The following NCAM1 variants were observed in gnomAD, a reference collection of about 807,000 sequenced individuals.
The protein encoded by NCAM1 is neural cell adhesion molecule 1.
NCAM1 carries 14 observed loss-of-function variants against 109.8 expected under a neutral mutation model. That is an observed-to-expected ratio of 0.13 (90% confidence interval 0.08 to 0.20). The LOEUF is 0.20. Among genes scored for constraint, NCAM1 ranks in the 10% least tolerant of loss-of-function variants. The pLI is 1.00. For missense variants in NCAM1, 774 were observed against 1,109.9 expected (o/e 0.70, Z 4.30); for synonymous variants, 418 against 442.9 (o/e 0.94, Z 0.70).
At chr11:113,147,597 A>T (rs1358404780) in intron 1 of NCAM1, among the ~76,000 whole-genome samples, 1 of 152,194 alleles carries the variant, frequency 6.6e-6, no homozygotes, top group African/African-American at 2.4e-5. Context: ...GCAGATTGCA[A>T]TTACAGTCTT....
intron 8 of NCAM1, among the ~76,000 whole-genome samples, chr11:113,221,016 G>T (rs555890163): frequency 2.6e-4 from 39 of 152,264 alleles, no homozygotes; most frequent in African/African-American, 9.4e-4. Context: ...GAGCAGTCTG[G>T]TCCTACTGGT....
intron 1 of NCAM1, among the ~76,000 whole-genome samples, chr11:113,036,363 C>A (rs1435728622): frequency 2.6e-5 from 4 of 152,180 alleles, no homozygotes; most frequent in Middle Eastern, 3.4e-3. Flanking sequence ...CCACCCTGAA[C>A]CATCAGCTTT....
chr11:113,201,808 C>T (rs997181100), intron 1 of NCAM1, among the ~76,000 whole-genome samples: 2 of 152,176 alleles, frequency 1.3e-5, no homozygotes, highest in African/African-American at 2.4e-5. Flanking sequence ...GTCCTGTAGT[C>T]GTGAGGGAAG....
At chr11:112,990,632 C>T (rs759375651) in intron 1 of NCAM1, among the ~76,000 whole-genome samples, 82 of 152,132 alleles carry the variant, frequency 5.4e-4, no homozygotes, top group Non-Finnish European at 5.6e-4. Context: ...TTCTGATCCA[C>T]AGGTAGAGCT....
At chr11:113,091,697 G>A (rs1939350652) in intron 1 of NCAM1, among the ~76,000 whole-genome samples, 1 of 152,152 alleles carries the variant, frequency 6.6e-6, no homozygotes, top group Admixed American at 6.5e-5. Flanking sequence ...AAACTCACAT[G>A]CAGTATCTCA....
At chr11:113,076,770 A>C (rs1938545533) in intron 1 of NCAM1, among the ~76,000 whole-genome samples, 2 of 152,236 alleles carry the variant, frequency 1.3e-5, no homozygotes, top group Non-Finnish European at 2.9e-5. Flanking sequence ...CTGAATAGAA[A>C]TTGATAAATT....
At chr11:113,068,286 T>C (rs1215919346) in intron 1 of NCAM1, among the ~76,000 whole-genome samples, 6 of 152,170 alleles carry the variant, frequency 3.9e-5, no homozygotes, top group Non-Finnish European at 7.3e-5. Flanking sequence ...GAACTCTAGC[T>C]GTAGAGTCAT....
chr11:113,204,495 A>G lies in NCAM1; in HGVS notation c.337A>G (p.Lys113Glu). 1 of 1,613,844 alleles carries G rather than the reference A, an allele frequency of 6.2e-7. No homozygotes were observed. Residue 113 changes from lysine (K) to glutamate (E), a missense_variant, in exon 3 of 20, where the codon AAG (lysine) becomes GAG (glutamate). Lys to Glu is a moderately conservative substitution (Grantham distance 56). Transcript: ENST00000316851. ...TGAGTCAGAGGCCACCGTCAACGTG[A>G]AGATCTTTCGTAAGAGCCTCCTTCT... ...GSESEATVNV[K>E]IFQKLMFKNA... is the part of the protein sequence containing the mutation.
intron 9 of NCAM1, among the ~76,000 whole-genome samples, chr11:113,224,229 C>G (rs1434071180): frequency 6.6e-6 from 1 of 152,242 alleles, no homozygotes; most frequent in African/African-American, 2.4e-5. Flanking sequence ...GGGTCATTCC[C>G]ACCCTAATAC....
At chr11:113,088,724 C>T (rs1175099605) in intron 1 of NCAM1, among the ~76,000 whole-genome samples, 1 of 152,142 alleles carries the variant, frequency 6.6e-6, no homozygotes, top group Non-Finnish European at 1.5e-5. Context: ...ATATTTCTCT[C>T]ACTCCTTTTT....
intron 1 of NCAM1, among the ~76,000 whole-genome samples, chr11:113,051,833 CA>C (rs1953505329): frequency 6.6e-6 from 1 of 152,190 alleles, no homozygotes; most frequent in Non-Finnish European, 1.5e-5. Flanking sequence ...CAGCTTTTTA[CA>C]TTAATTTGAT....
intron 1 of NCAM1, among the ~76,000 whole-genome samples, chr11:113,069,116 G>C (rs1285066854): frequency 1.3e-5 from 2 of 152,136 alleles, no homozygotes; most frequent in Non-Finnish European, 1.5e-5. Context: ...CTGTCTCCAA[G>C]GCTGTAGAGT....
At chr11:113,197,665 T>A (rs1943896055) in intron 1 of NCAM1, among the ~76,000 whole-genome samples, 1 of 152,180 alleles carries the variant, frequency 6.6e-6, no homozygotes, top group Non-Finnish European at 1.5e-5. Flanking sequence ...TATAACATCT[T>A]GACAAGGAAG....
intron 1 of NCAM1, among the ~76,000 whole-genome samples, chr11:113,144,448 A>G (rs1039577180): frequency 6.6e-6 from 1 of 152,336 alleles, no homozygotes; most frequent in Middle Eastern, 3.4e-3. Context: ...ATGAATCAGA[A>G]TAGTCCATTC....
chr11:113,054,226 G>C (rs1565407911), intron 1 of NCAM1, among the ~76,000 whole-genome samples: 1 of 152,194 alleles, frequency 6.6e-6, no homozygotes, highest in Non-Finnish European at 1.5e-5. Context: ...GAGGCCCAGA[G>C]AATTGAAATG....
chr11:113,065,050 T>C (rs1937885806), intron 1 of NCAM1, among the ~76,000 whole-genome samples: 1 of 152,130 alleles, frequency 6.6e-6, no homozygotes, highest in African/African-American at 2.4e-5. Context: ...AAGATGAGCC[T>C]GGAGCATCTT....
intron 9 of NCAM1, among the ~76,000 whole-genome samples, chr11:113,228,928 T>C (rs1391303280): frequency 1.3e-5 from 2 of 152,100 alleles, no homozygotes; most frequent in East Asian, 1.9e-4. Flanking sequence ...ATACAAAAAT[T>C]AATTCAAGAT....
chr11:113,162,550 G>A (rs1434347679), intron 1 of NCAM1, among the ~76,000 whole-genome samples: 2 of 152,168 alleles, frequency 1.3e-5, no homozygotes, highest in African/African-American at 4.8e-5. Flanking sequence ...TACATGGAAA[G>A]CCAGCCCATG....
chr11:113,227,470 C>T (rs1215066838), intron 9 of NCAM1, among the ~76,000 whole-genome samples: 1 of 152,144 alleles, frequency 6.6e-6, no homozygotes, highest in Non-Finnish European at 1.5e-5. Flanking sequence ...AGTCCAGGAC[C>T]AGACAGATTC....
Sources: gnomAD v4.1 joint callset for allele counts (sites outside exome capture counted in the v4.1 genomes callset) on GRCh38, gnomAD v4.1.1 for gene constraint, MANE v1.5 for transcripts, NCBI Gene and HGNC (gene_info 2026-07-23, HGNC 2026-07-21) for gene names.